SVIL: variants seen among roughly 807,000 people sequenced by gnomAD.
The protein encoded by SVIL is archvillin.
A neutral mutation model predicts 240.4 loss-of-function variants in SVIL; 101 were observed. The ratio of observed to expected loss-of-function variants is 0.42; its 90% CI spans 0.36 to 0.50. The LOEUF (loss-of-function observed/expected upper bound fraction) is 0.50, where lower values mean the gene tolerates loss of function less well. Among genes scored for constraint, SVIL ranks in the 20% least tolerant of loss-of-function variants. The pLI is 0.01. For missense variants in SVIL, 2,512 were observed against 2,818.7 expected (o/e 0.89, Z 2.46); for synonymous variants, 999 against 1,100.0 (o/e 0.91, Z 1.82).
intron 2 of SVIL, among the ~76,000 whole-genome samples, chr10:29,672,417 T>G (rs534862631): frequency 1.1e-4 from 16 of 151,950 alleles, no homozygotes; most frequent in African/African-American, 3.1e-4. Context: ...GAGGCTGCAG[T>G]GAGCCGTGAT....
intron 29 of SVIL, 115 bp from the exon 30 acceptor site, chr10:29,474,104 C>T: frequency 7.1e-7 from 1 of 1,413,882 alleles, no homozygotes. Flanking sequence ...AGCCTCGGAC[C>T]TAGGGCAGGG....
rs760023788 is a variant in SVIL at position 29,544,967 on chromosome 10, A to G, written c.827+5630T>C. On this transcript the variant is annotated intron_variant, in intron 6 of 37. Coordinates refer to ENST00000355867, the MANE Select transcript of SVIL (RefSeq NM_021738.3). ...AGAATAAGCTGTGAGGAGGACCCAG[A>G]TGTCTGTTCTTTAGAATGGCCCCCA... is the stretch of plus-strand genomic sequence containing the variant. 4 of 533,580 alleles carry G rather than the reference A, an allele frequency of 7.5e-6. No homozygotes were observed. In the African/African-American group the frequency reaches 7.7e-5, roughly 10 times the overall value. The allele number at this position is 533,580 out of a possible 1,614,324, so 33.1% of individuals were successfully genotyped here. A position where few individuals can be genotyped will look rare whatever the true frequency, so the allele number is the denominator to read the frequency against.
intron 16 of SVIL, among the ~76,000 whole-genome samples, chr10:29,521,228 G>GA (rs759415423): frequency 0.083 from 5,282 of 63,688 alleles, 287 homozygotes; most frequent in African/African-American, 0.22. Flanking sequence ...GTCTCAAAAA[G>GA]AAAAAAAAAA....
intron 1 of SVIL, among the ~76,000 whole-genome samples, chr10:29,595,799 C>T (rs539040894): frequency 6.6e-6 from 1 of 152,234 alleles, no homozygotes; most frequent in South Asian, 2.1e-4. Flanking sequence ...CTCCGTAGGA[C>T]CCAGGTGCCA....
At chr10:29,589,064 T>C (rs572884352) in intron 1 of SVIL, among the ~76,000 whole-genome samples, 2 of 152,312 alleles carry the variant, frequency 1.3e-5, no homozygotes, top group South Asian at 2.1e-4. Context: ...TTTAAGTGGA[T>C]TGAGATGCCT....
At chr10:29,483,257 G>A (rs1279580281) in intron 27 of SVIL, 3 of 152,196 alleles carry the variant, frequency 2.0e-5, no homozygotes, top group African/African-American at 4.8e-5. Context: ...CAAGCGATGT[G>A]GCAGATTGCA....
chr10:29,550,045 G>A lies in SVIL; in HGVS notation c.827+552C>T, dbSNP rs1356614023. On this transcript the variant is annotated intron_variant, in intron 6 of 37. Coordinates refer to ENST00000355867, the MANE Select transcript of SVIL (RefSeq NM_021738.3). Reference sequence around the variant, plus strand: ...AAAAAAAAAAAAAAAAAAGAATTACGAAGAAAAGAAAAAGAAAAAAAAAAA... The same window carrying A: ...AAAAAAAAAAAAAAAAAAGAATTACAAAGAAAAGAAAAAGAAAAAAAAAAA... 6.9e-3 allele frequency among the ~76,000 whole-genome samples: 856 copies of A among 124,802 alleles called. 9 individuals are homozygous for A. Among genetic ancestry groups the A allele is most frequent in the African/African-American group, 0.024 (795 of 33,518 alleles). 81.9% of individuals were successfully genotyped at this position (124,802 alleles called of 152,430 possible).
intron 3 of SVIL, among the ~76,000 whole-genome samples, chr10:29,562,898 C>T (rs10826659): frequency 2.7e-4 from 41 of 150,800 alleles, no homozygotes; most frequent in African/African-American, 8.3e-4. Flanking sequence ...GAAGGTTAAA[C>T]GGAGAAAGAG....
At chr10:29,611,398 G>C (rs867527306) in intron 1 of SVIL, among the ~76,000 whole-genome samples, 2 of 151,878 alleles carry the variant, frequency 1.3e-5, no homozygotes, top group East Asian at 2.0e-4. Context: ...GGACCGAGGT[G>C]GGGGGACTGC....
At chr10:29,580,948 T>C (rs1196244240) in intron 1 of SVIL, among the ~76,000 whole-genome samples, 2 of 152,154 alleles carry the variant, frequency 1.3e-5, no homozygotes, top group Admixed American at 6.5e-5. Flanking sequence ...AAACCAACCA[T>C]GAGCTGGAAT....
At chr10:29,495,661 C>T (rs74130779) in intron 18 of SVIL, among the ~76,000 whole-genome samples, 1,898 of 152,268 alleles carry the variant, frequency 0.012, 32 homozygotes, top group African/African-American at 0.041. Flanking sequence ...CCAAGGAGGG[C>T]CAACCTTTCA....
chr10:29,652,852 C>A (rs1306684453), intron 3 of SVIL, among the ~76,000 whole-genome samples: 2 of 152,134 alleles, frequency 1.3e-5, no homozygotes, highest in Non-Finnish European at 2.9e-5. Context: ...GGAGGACTAT[C>A]CATTCCAATC....
At chr10:29,676,377 A>AGAGT (rs1960200699) in intron 2 of SVIL, among the ~76,000 whole-genome samples, 1 of 151,230 alleles carries the variant, frequency 6.6e-6, no homozygotes, top group Admixed American at 6.6e-5. Flanking sequence ...GAAAAAAAAG[A>AGAGT]GTGTGTGTGT....
At chr10:29,572,438 G>T (rs1955471251) in intron 1 of SVIL, among the ~76,000 whole-genome samples, 1 of 152,118 alleles carries the variant, frequency 6.6e-6, no homozygotes, top group Non-Finnish European at 1.5e-5. Flanking sequence ...AGAAGAGGAA[G>T]GAGAGGAAAT....
At chr10:29,506,678 TATGAG>T (rs1949325379) in intron 17 of SVIL, among the ~76,000 whole-genome samples, 2 of 127,092 alleles carry the variant, frequency 1.6e-5, no homozygotes, top group Admixed American at 8.2e-5. Context: ...ACAGAGGCCC[TATGAG>T]GGAGGGGACA....
chr10:29,711,785 T>C (rs976417007), intron 1 of SVIL: 1 of 149,068 alleles, frequency 6.7e-6, no homozygotes, highest in Non-Finnish European at 1.5e-5. Flanking sequence ...AAAAGTGCCA[T>C]GATTTAGAGC....
chr10:29,725,929 A>T (rs561167070), intron 1 of SVIL, among the ~76,000 whole-genome samples: 1 of 152,268 alleles, frequency 6.6e-6, no homozygotes, highest in South Asian at 2.1e-4. Flanking sequence ...AAAAATAAAA[A>T]AATTATTTTA....
At chr10:29,532,411 G>T (rs902337564) in intron 8 of SVIL, 118 bp downstream of exon 8, 16 of 1,444,840 alleles carry the variant, frequency 1.1e-5, no homozygotes, top group African/African-American at 1.4e-5. Flanking sequence ...CGCCCTGCAC[G>T]CACTTGTGAG....
intron 6 of SVIL, among the ~76,000 whole-genome samples, chr10:29,544,009 T>C (rs1952405026): frequency 6.6e-6 from 1 of 152,154 alleles, no homozygotes; most frequent in Non-Finnish European, 1.5e-5. Flanking sequence ...AATAACTCAC[T>C]CCAGGTTTTC....
Sources: gnomAD v4.1 joint callset for allele counts (sites outside exome capture counted in the v4.1 genomes callset) on GRCh38, gnomAD v4.1.1 for gene constraint, MANE v1.5 for transcripts, NCBI Gene and HGNC (gene_info 2026-07-23, HGNC 2026-07-21) for gene names.